The following DPP6 variants were observed in gnomAD, a reference collection of about 807,000 sequenced individuals.
DPP6 encodes the protein A-type potassium channel modulatory protein DPP6.
Under a neutral mutation model 122.6 loss-of-function variants are expected in DPP6, and 69 were observed. The observed-to-expected ratio is 0.56, with a 90% CI of 0.46 to 0.69. The LOEUF is 0.69. Ranked by LOEUF, DPP6 falls within the 30% of genes least tolerant of loss-of-function variation. The probability of loss-of-function intolerance (pLI) is 0.00; values close to 1 mark genes in which losing one functional copy is unlikely to be tolerated. For synonymous variants in DPP6, 418 were observed against 433.1 expected (o/e 0.97, Z 0.43); for missense variants, 928 against 1,116.9 (o/e 0.83, Z 2.41).
At chr7:154,175,162 A>T (rs995313988) in intron 1 of DPP6, among the ~76,000 whole-genome samples, 1 of 152,068 alleles carries the variant, frequency 6.6e-6, no homozygotes, top group African/African-American at 2.4e-5. Context: ...CACATAAAAG[A>T]CGTTGTCACG....
intron 3 of DPP6, among the ~76,000 whole-genome samples, chr7:154,512,557 A>G (rs1826170732): frequency 6.6e-6 from 1 of 152,194 alleles, no homozygotes; most frequent in African/African-American, 2.4e-5. Flanking sequence ...AGTTATTCTC[A>G]TTTGTGGAAG....
chr7:154,162,397 T>G (rs1797028207), intron 1 of DPP6, among the ~76,000 whole-genome samples: 1 of 152,240 alleles, frequency 6.6e-6, no homozygotes, highest in African/African-American at 2.4e-5. Flanking sequence ...AGACATTCAT[T>G]TTTCTATACA....
intron 1 of DPP6, among the ~76,000 whole-genome samples, chr7:154,074,035 G>C (rs74711974): frequency 0.06 from 4,437 of 73,352 alleles, no homozygotes; most frequent in Middle Eastern, 0.099. Flanking sequence ...ATGTATGTAT[G>C]TATGTAAGTA....
chr7:154,642,906 A>G (rs10271943), intron 6 of DPP6, among the ~76,000 whole-genome samples: 22,623 of 152,204 alleles, frequency 0.15, 1,977 homozygotes, highest in African/African-American at 0.25. Context: ...CATCTCAAAA[A>G]AAGAATTAAG....
chr7:154,776,924 G>C (rs1796611580), intron 10 of DPP6, among the ~76,000 whole-genome samples: 1 of 152,228 alleles, frequency 6.6e-6, no homozygotes, highest in Non-Finnish European at 1.5e-5. Context: ...GTTTATTTCA[G>C]CAGGCTAGCT....
chr7:154,874,596 A>G (rs926975153), intron 19 of DPP6, among the ~76,000 whole-genome samples: 6 of 152,232 alleles, frequency 3.9e-5, no homozygotes, highest in Admixed American at 3.9e-4. Flanking sequence ...GACCCTAAGC[A>G]TGCAGCACTC....
chr7:154,687,892 T>G (rs117703553), intron 7 of DPP6, among the ~76,000 whole-genome samples: 2,831 of 152,336 alleles, frequency 0.019, 41 homozygotes, highest in Non-Finnish European at 0.03. Context: ...TCCCTAGGAA[T>G]AATCAATTGT....
At chr7:154,295,045 G>T (rs1805449785) in intron 1 of DPP6, among the ~76,000 whole-genome samples, 1 of 152,248 alleles carries the variant, frequency 6.6e-6, no homozygotes. Context: ...GCCTGTGCCG[G>T]CGCTCCCTTG....
intron 1 of DPP6, among the ~76,000 whole-genome samples, chr7:154,423,163 G>A: frequency 6.6e-6 from 1 of 152,150 alleles, no homozygotes; most frequent in East Asian, 1.9e-4. Flanking sequence ...TATTGCAATA[G>A]GGAAAAGAAT....
intron 5 of DPP6, among the ~76,000 whole-genome samples, chr7:154,573,298 C>T (rs145073562): frequency 6.6e-6 from 1 of 152,214 alleles, no homozygotes; most frequent in Non-Finnish European, 1.5e-5. Context: ...GCAGTGGCCT[C>T]AGAGGGCAAA....
At chr7:154,531,533 A>C (rs78344760) in intron 3 of DPP6, among the ~76,000 whole-genome samples, 7,478 of 152,300 alleles carry the variant, frequency 0.049, 325 homozygotes, top group African/African-American at 0.11. Flanking sequence ...AGAAATCCTA[A>C]GGGAATTTCA....
At chr7:154,670,220 G>A (rs1050937679) in intron 7 of DPP6, among the ~76,000 whole-genome samples, 2 of 152,090 alleles carry the variant, frequency 1.3e-5, no homozygotes, top group African/African-American at 4.8e-5. Context: ...GGCCAGTCCC[G>A]TCAACATGCA....
chr7:154,821,675 TATACAC>T lies in DPP6; in HGVS notation c.1666+14565_1666+14570del, dbSNP rs1799792121. On this transcript the variant is annotated intron_variant, in intron 16 of 25. Transcript: ENST00000377770. The surrounding 1 kb of genome is among the most constrained non-coding windows in gnomAD (Gnocchi z 4.2). ...ATATATATATATATACACATATATA[TATACAC>T]ACACATATATATATACACACACACA... Among the ~76,000 whole-genome samples the T allele has an allele frequency of 6.8e-6, 1 of 147,346 alleles. No homozygotes were observed. The highest frequency in any genetic ancestry group is 2.5e-5 in the African/African-American group (1 of 39,800).
chr7:154,369,276 G>A (rs1020520222), intron 1 of DPP6, among the ~76,000 whole-genome samples: 8 of 151,842 alleles, frequency 5.3e-5, no homozygotes, highest in Admixed American at 5.2e-4. Flanking sequence ...TGTATTTTTA[G>A]TAGAGATGAG....
intron 1 of DPP6, among the ~76,000 whole-genome samples, chr7:153,940,653 A>G (rs552469381): frequency 2.6e-5 from 4 of 152,140 alleles, no homozygotes; most frequent in African/African-American, 9.6e-5. Context: ...TCCCTGTAGG[A>G]CTCTGATGAT....
At chr7:154,851,161 A>T (rs1408609014) in intron 16 of DPP6, among the ~76,000 whole-genome samples, 2 of 152,228 alleles carry the variant, frequency 1.3e-5, no homozygotes, top group Non-Finnish European at 2.9e-5. Flanking sequence ...TTTATGAATT[A>T]AAAGATTAAA....
intron 12 of DPP6, among the ~76,000 whole-genome samples, chr7:154,799,633 A>G (rs887790515): frequency 1.3e-5 from 2 of 152,236 alleles, no homozygotes; most frequent in East Asian, 1.9e-4. Context: ...TGGGAAAAAA[A>G]CACTGGCAAA....
At chr7:153,799,704 AT>A in the DPP6 span, among the ~76,000 whole-genome samples, 3 of 152,104 alleles carry the variant, frequency 2.0e-5, no homozygotes, top group East Asian at 5.8e-4. Context: ...TAAAAAAGAT[AT>A]TTTCTTCTGT....
intron 3 of DPP6, among the ~76,000 whole-genome samples, chr7:154,526,955 C>T (rs1827456707): frequency 1.3e-5 from 2 of 152,100 alleles, no homozygotes; most frequent in African/African-American, 4.8e-5. Flanking sequence ...TAGCCTGCAA[C>T]TGAAATATCA....
Sources: gnomAD v4.1 joint callset for allele counts (sites outside exome capture counted in the v4.1 genomes callset) on GRCh38, gnomAD v4.1.1 for gene constraint, Gnocchi (gnomAD v3.1) non-coding constraint, MANE v1.5 for transcripts, NCBI Gene and HGNC (gene_info 2026-07-23, HGNC 2026-07-21) for gene names.